Variants in ALOX12B observed in about 807,000 individuals in gnomAD.
The protein encoded by ALOX12B is arachidonate 12-lipoxygenase, 12R type, also known as arachidonate 12-lipoxygenase, 12R-type.
ALOX12B carries 47 observed loss-of-function variants against 78.9 expected under a neutral mutation model. The ratio of observed to expected loss-of-function variants is 0.60; its 90% CI spans 0.47 to 0.76. ALOX12B has a LOEUF of 0.76. Ranked by LOEUF, ALOX12B falls within the 30% of genes least tolerant of loss-of-function variation. The probability of loss-of-function intolerance (pLI) is 0.00; values close to 1 mark genes in which losing one functional copy is unlikely to be tolerated. For missense variants in ALOX12B, 805 were observed against 922.6 expected (o/e 0.87, Z 1.65); for synonymous variants, 370 against 374.5 (o/e 0.99, Z 0.14).
chr17:8,082,776 T>G (rs1042066819), intron 2 of ALOX12B, among the ~76,000 whole-genome samples: 3 of 152,164 alleles, frequency 2.0e-5, no homozygotes, highest in African/African-American at 7.2e-5. Flanking sequence ...ACTCTTAACC[T>G]GTCTCTTCTC....
Position 8,076,354 on chromosome 17 carries a change from A to C in ALOX12B, c.1363-10T>G, listed in dbSNP as rs1198444259. Reference sequence around the variant, plus strand: ...CGCCCAGGGACATGCCCTGTGAGGAAGGAGGCAGATCCTGGAGCCGGACAG... The same window carrying C: ...CGCCCAGGGACATGCCCTGTGAGGACGGAGGCAGATCCTGGAGCCGGACAG... On this transcript the variant is annotated splice_polypyrimidine_tract_variant and intron_variant, in intron 10 of 14. Transcript: ENST00000647874. 1.3e-6 allele frequency: 2 copies of C among 1,592,172 alleles called. No homozygotes were observed. Among genetic ancestry groups the C allele is most frequent in the Non-Finnish European group, 1.7e-6 (2 of 1,168,708 alleles).
At position 8,087,645 on chromosome 17, in the gene ALOX12B, G is replaced by GA; in HGVS notation, c.-204_-203insT. 2 of 847,602 alleles carry GA rather than the reference G, an allele frequency of 2.4e-6. No individual in the cohort carries two copies. Among genetic ancestry groups the GA allele is most frequent in the Non-Finnish European group, 3.7e-6 (2 of 543,878 alleles). The allele number at this position is 847,602 out of a possible 1,614,324, so 52.5% of individuals were successfully genotyped here. A position where few individuals can be genotyped will look rare whatever the true frequency, so the allele number is the denominator to read the frequency against. ...AAAGCTGCTGCCCTTGGTGGCCGGG[G>GA]TGGGTGCCGGGCAGGCCCAGGCGGA... On this transcript the variant is annotated 5_prime_UTR_variant, in exon 1 of 15. Coordinates refer to ENST00000647874, the MANE Select transcript of ALOX12B (RefSeq NM_001139.3).
At position 8,072,708 on chromosome 17, in the gene ALOX12B, T is replaced by A; in HGVS notation, c.*63A>T. 1.2e-6 allele frequency: 2 copies of A among 1,602,764 alleles called. No homozygotes were observed. Among genetic ancestry groups the A allele is most frequent in the Non-Finnish European group, 1.7e-6 (2 of 1,170,280 alleles). ...GAGGTTTTTGTGTTTTTTGCTTGTTTGTTTTGTTTTGTTGAAAATAGTAGG... is the reference window on the plus strand; with the variant it reads ...GAGGTTTTTGTGTTTTTTGCTTGTTAGTTTTGTTTTGTTGAAAATAGTAGG... On this transcript the variant is annotated 3_prime_UTR_variant, in exon 15 of 15. Transcript: ENST00000647874.
chr17:8,080,647 CA>C lies in ALOX12B; in HGVS notation c.650+10del. The C allele has an allele frequency of 6.2e-7, 1 of 1,614,060 alleles. No homozygotes were observed. The highest frequency in any genetic ancestry group is 2.2e-5 in the East Asian group (1 of 44,884). On this transcript the variant is annotated intron_variant, in intron 5 of 14. Transcript: ENST00000647874. This position sits in a 1 kb window ranked among gnomAD's most constrained non-coding sequence, Gnocchi z 4.8. ...GGAGCCCTCGTTCTCCCGTCACTCA[CA>C]CGGACTCACATGGGCCCCAGGCGGA... is the stretch of plus-strand genomic sequence containing the variant.
chr17:8,080,970 T>G lies in ALOX12B; in HGVS notation c.441A>C (p.Arg147=), dbSNP rs1274697571. Residue 147 remains arginine (R), a synonymous_variant, in exon 4 of 15, where the codon CGA becomes CGC. Coordinates refer to ENST00000647874, the MANE Select transcript of ALOX12B (RefSeq NM_001139.3). The surrounding 1 kb of genome is among the most constrained non-coding windows in gnomAD (Gnocchi z 4.8). ...AGCTGGGCAGGCCAGGAAGAAAGAC[T>G]CGCCAGCTGCAAGGGAAACCGAGAT... ...IRAKQDFYHW[R]VFLPGLPSYV... 6.2e-7 allele frequency: 1 copy of G among 1,613,846 alleles called. No individual in the cohort carries two copies. The highest frequency in any genetic ancestry group is 1.1e-5 in the South Asian group (1 of 91,080).
Position 8,080,193 on chromosome 17 carries a change from G to C in ALOX12B, c.754+42C>G, listed in dbSNP as rs1396235859. On this transcript the variant is annotated intron_variant, in intron 6 of 14. Transcript: ENST00000647874. This position sits in a 1 kb window ranked among gnomAD's most constrained non-coding sequence, Gnocchi z 4.8. ...GGGCCTGCCTAGCACGCCGGAGACC[G>C]CCTGGCTCCCCCTGCTCGATCCGGG... 2.5e-6 allele frequency: 4 copies of C among 1,599,470 alleles called. No individual in the cohort carries two copies. In the Admixed American group the frequency reaches 6.7e-5, roughly 27 times the overall value.
chr17:8,083,887 G>A (rs1410381824), intron 2 of ALOX12B, among the ~76,000 whole-genome samples: 5 of 151,830 alleles, frequency 3.3e-5, no homozygotes, highest in African/African-American at 9.7e-5. Context: ...GGCCGGGTGC[G>A]GTGGCTCACA....
chr17:8,073,731 G>T lies in ALOX12B; in HGVS notation c.1681C>A (p.Pro561Thr). 6.2e-7 allele frequency: 1 copy of T among 1,614,116 alleles called. No individual in the cohort carries two copies. The highest frequency in any genetic ancestry group is 8.5e-7 in the Non-Finnish European group (1 of 1,179,988). ...SGFPRCLRTVPELIRYVTIVI... is the reference protein window; with the variant it reads ...SGFPRCLRTVTELIRYVTIVI... ...ATAGTGACATATCGGATCAGCTCAGGCACGGTTCGCAAGCACCTAGGGAAG... is the reference window on the plus strand; with the variant it reads ...ATAGTGACATATCGGATCAGCTCAGTCACGGTTCGCAAGCACCTAGGGAAG... The change falls in exon 13 of 15, where the codon CCT becomes ACT. Residue 561 changes from proline to threonine, a missense_variant. Coordinates refer to ENST00000647874, the MANE Select transcript of ALOX12B (RefSeq NM_001139.3).
chr17:8,076,237 G>A lies in ALOX12B; in HGVS notation c.1470C>T (p.Val490=), dbSNP rs867109924. The A allele has an allele frequency of 6.2e-7, 1 of 1,614,154 alleles. No individual in the cohort carries two copies. The highest frequency in any genetic ancestry group is 1.3e-5 in the African/African-American group (1 of 75,026). The change falls in exon 11 of 15, where the codon GTC becomes GTT. Residue 490 remains valine, a synonymous_variant. Coordinates refer to ENST00000647874, the MANE Select transcript of ALOX12B (RefSeq NM_001139.3). ...GGTAGTAATATCCAGGCAGGTCCTG[G>A]ACCCCACGCTCCACAAAGTCATTGG... ...YLPNDFVERG[V]QDLPGYYYRD...
Position 8,086,233 on chromosome 17 carries a change from C to T in ALOX12B, c.148-13G>A. 1 of 1,613,002 alleles carries T rather than the reference C, an allele frequency of 6.2e-7. No homozygotes were observed. Among genetic ancestry groups the T allele is most frequent in the Non-Finnish European group, 8.5e-7 (1 of 1,179,576 alleles). ...TGTACTGGCCCACCTAGGCAGGATG[C>T]AAGCCTGGCTGAGTGGGCAGGACTT... On this transcript the variant is annotated splice_polypyrimidine_tract_variant and intron_variant, in intron 1 of 14. Coordinates refer to ENST00000647874, the MANE Select transcript of ALOX12B (RefSeq NM_001139.3).
chr17:8,087,630 C>T lies in ALOX12B; in HGVS notation c.-188G>A. ...CAGCCAAATTCTGGAAAAGCTGCTG[C>T]CCTTGGTGGCCGGGGTGGGTGCCGG... On this transcript the variant is annotated 5_prime_UTR_variant, in exon 1 of 15. Transcript: ENST00000647874. 6.2e-6 allele frequency: 6 copies of T among 971,156 alleles called. No individual in the cohort carries two copies. Among genetic ancestry groups the T allele is most frequent in the Non-Finnish European group, 9.2e-6 (6 of 652,538 alleles). 60.2% of individuals were successfully genotyped at this position (971,156 alleles called of 1,614,324 possible). A position where few individuals can be genotyped will look rare whatever the true frequency, so the allele number is the denominator to read the frequency against.
chr17:8,077,670 G>T lies in ALOX12B; in HGVS notation c.1072-477C>A, dbSNP rs539644665. ...AGCCTCTTTCTAACTTGCACATGAC[G>T]CTTGGGGGGACCTCTGGGAAGGAAA... On this transcript the variant is annotated intron_variant, in intron 8 of 14. Transcript: ENST00000647874. Among the ~76,000 whole-genome samples, 46 of 152,318 alleles carry T rather than the reference G, an allele frequency of 3.0e-4. 1 individual carries two copies. The highest frequency in any genetic ancestry group is 1.9e-3 in the South Asian group (9 of 4,834).
At chr17:8,083,828 C>T (rs1978290483) in intron 2 of ALOX12B, among the ~76,000 whole-genome samples, 4 of 151,914 alleles carry the variant, frequency 2.6e-5, no homozygotes, top group South Asian at 2.1e-4. Context: ...CTGTTGTTAT[C>T]TCCATTTTAC....
chr17:8,073,885 A>T, intron 12 of ALOX12B, 128 bp from the exon 13 acceptor site: 1 of 761,446 alleles, frequency 1.3e-6, no homozygotes, highest in South Asian at 1.5e-5. Flanking sequence ...CCGTACCCTC[A>T]TCCTGCCTGC....
chr17:8,078,493 G>A (rs1397172005), intron 8 of ALOX12B, among the ~76,000 whole-genome samples: 7 of 151,932 alleles, frequency 4.6e-5, no homozygotes, highest in Non-Finnish European at 1.5e-5. Context: ...CAAGAGGGCC[G>A]GGCGAGGTGG....
At position 8,080,488 on chromosome 17, in the gene ALOX12B, C is replaced by T; in HGVS notation, c.651-150G>A. The T allele has an allele frequency of 2.2e-6, 3 of 1,364,480 alleles. No homozygotes were observed. Among genetic ancestry groups the T allele is most frequent in the Non-Finnish European group, 3.1e-6 (3 of 966,430 alleles). 84.5% of individuals were successfully genotyped at this position (1,364,480 alleles called of 1,614,324 possible). On this transcript the variant is annotated intron_variant, in intron 5 of 14. Coordinates refer to ENST00000647874, the MANE Select transcript of ALOX12B (RefSeq NM_001139.3). This position sits in a 1 kb window ranked among gnomAD's most constrained non-coding sequence, Gnocchi z 4.8. ...TGGGTCCCATGTCTCAAGATCTTTG[C>T]ATCTCTAGGTCTCTGGGATCATGTC...
chr17:8,086,955 G>A (rs538229547), intron 1 of ALOX12B, among the ~76,000 whole-genome samples: 1 of 152,174 alleles, frequency 6.6e-6, no homozygotes, highest in East Asian at 1.9e-4. Flanking sequence ...GAGGAAGAGG[G>A]AGAGAGAAGA....
intron 13 of ALOX12B, 147 bp downstream of exon 13, chr17:8,073,510 G>T: frequency 9.6e-7 from 1 of 1,041,644 alleles, no homozygotes; most frequent in Non-Finnish European, 1.5e-6. Flanking sequence ...GCTGAGGCTC[G>T]GTTTCCGTTG....
At position 8,080,941 on chromosome 17, in the gene ALOX12B, A is replaced by G. The variant is rs1435848567; in HGVS notation, c.470T>C (p.Val157Ala). ...CGGAGGGCGGTAACTGGGAATGTGCACATAGCTGGGCAGGCCAGGAAGAAA... is the reference window on the plus strand; with the variant it reads ...CGGAGGGCGGTAACTGGGAATGTGCGCATAGCTGGGCAGGCCAGGAAGAAA... ...RVFLPGLPSY[V>A]HIPSYRPPVR... The change falls in exon 4 of 15, where the codon GTG becomes GCG. Residue 157 changes from valine to alanine, a missense_variant. By Grantham distance (64) the Val-to-Ala change is moderately conservative (BLOSUM62 0). Coordinates refer to ENST00000647874, the MANE Select transcript of ALOX12B (RefSeq NM_001139.3). The surrounding 1 kb of genome is among the most constrained non-coding windows in gnomAD (Gnocchi z 4.8). 2.5e-6 allele frequency: 4 copies of G among 1,613,890 alleles called. No individual in the cohort carries two copies. The highest frequency in any genetic ancestry group is 2.5e-6 in the Non-Finnish European group (3 of 1,180,008).
Sources: allele counts gnomAD v4.1 joint callset (sites outside exome capture counted in the v4.1 genomes callset), GRCh38; gene constraint gnomAD v4.1.1; non-coding constraint Gnocchi (gnomAD v3.1); transcripts MANE v1.5; gene names NCBI Gene and HGNC (gene_info 2026-07-23, HGNC 2026-07-21).